The following LCA5L variants were observed in gnomAD, a reference collection of about 807,000 sequenced individuals.
LCA5L encodes lebercilin-like protein.
LCA5L carries 35 observed loss-of-function variants against 45.4 expected under a neutral mutation model. The ratio of observed to expected loss-of-function variants is 0.77; its 90% confidence interval spans 0.59 to 1.02. The LOEUF (loss-of-function observed/expected upper bound fraction) is 1.02. Among genes scored for constraint, LCA5L ranks in the 50% least tolerant of loss-of-function variants. The pLI is 0.00. For synonymous variants in LCA5L, 233 were observed against 264.7 expected, an observed-to-expected ratio of 0.88 and a Z score of 1.16; for missense variants, 668 against 761.6, an observed-to-expected ratio of 0.88 and a Z score of 1.45.
At chr21:39,420,905 A>G in intron 6 of LCA5L, 62 bp from the exon 7 acceptor site, 1 of 1,275,560 alleles carries the variant, frequency 7.8e-7, no homozygotes, top group Non-Finnish European at 1.1e-6. Context: ...AACTTCAATT[A>G]TCATGGAACT....
chr21:39,420,724 G>T lies in LCA5L; in HGVS notation c.957C>A (p.His319Gln), dbSNP rs778846298. ...GAAATACCTTAAGTTTTTGTTGAAG[G>T]TGTTTTACTTCCACCTGCAGAGTCT... ...ATKTLQVEVK[H>Q]LQQKLKEKDR... The change falls in exon 7 of 11, where the codon CAC (histidine) becomes CAA (glutamine). Residue 319 changes from histidine to glutamine, a missense_variant. Physicochemically the swap from His to Gln is conservative, Grantham distance 24. Coordinates refer to ENST00000288350, the MANE Select transcript of LCA5L (RefSeq NM_152505.4). 2.9e-5 allele frequency: 46 copies of T among 1,611,708 alleles called. 1 individual carries two copies. Among genetic ancestry groups the T allele is most frequent in the Non-Finnish European group, 3.6e-5 (42 of 1,178,678 alleles).
chr21:39,427,478 C>T (rs931623099), intron 5 of LCA5L, among the ~76,000 whole-genome samples: 5 of 151,970 alleles, frequency 3.3e-5, no homozygotes, highest in Middle Eastern at 3.4e-3. Context: ...CTGGCTAACA[C>T]GGTGAAACCC....
chr21:39,443,273 G>A (rs536825241), intron 2 of LCA5L, among the ~76,000 whole-genome samples: 12 of 152,332 alleles, frequency 7.9e-5, no homozygotes, highest in East Asian at 3.9e-4. Context: ...GAAGGGGAAC[G>A]TGGGGTCAAA....
At chr21:39,412,666 A>G (rs2040313526) in intron 7 of LCA5L, among the ~76,000 whole-genome samples, 2 of 152,110 alleles carry the variant, frequency 1.3e-5, no homozygotes, top group African/African-American at 2.4e-5. Flanking sequence ...TGTGCCCCTT[A>G]GGGTCAAATC....
intron 4 of LCA5L, 75 bp from the exon 5 acceptor site, chr21:39,428,578 T>TTA (rs1214443889): frequency 0.014 from 840 of 58,062 alleles, 100 homozygotes; most frequent in African/African-American, 0.026. Context: ...ATGCTTTATT[T>TTA]TATATATATA....
chr21:39,419,929 GAC>G (rs1287967320), intron 7 of LCA5L, among the ~76,000 whole-genome samples: 2 of 152,064 alleles, frequency 1.3e-5, no homozygotes, highest in African/African-American at 4.8e-5. Context: ...ATATTTTTAA[GAC>G]AGTTTTTCAA....
rs2039806682 is a variant in LCA5L at position 39,409,955 on chromosome 21, T to C, written c.1282+24A>G. 2 of 1,260,258 alleles carry C rather than the reference T, an allele frequency of 1.6e-6. No individual in the cohort carries two copies. Among genetic ancestry groups the C allele is most frequent in the Non-Finnish European group, 2.3e-6 (2 of 870,372 alleles). 78.1% of individuals were successfully genotyped at this position (1,260,258 alleles called of 1,614,324 possible). A position where few individuals can be genotyped will look rare whatever the true frequency, so the allele number is the denominator to read the frequency against. Reference sequence around the variant, plus strand: ...ACAATTTTAAAGAAATCAGATAAGATAGACTTTAAAGAGTTAAAATTACCT... The same window carrying C: ...ACAATTTTAAAGAAATCAGATAAGACAGACTTTAAAGAGTTAAAATTACCT... On this transcript the variant is annotated intron_variant, in intron 10 of 10. Transcript: ENST00000288350. This position sits in a 1 kb window ranked among gnomAD's most constrained non-coding sequence, Gnocchi z 4.2.
chr21:39,442,719 G>C (rs2076994948), intron 2 of LCA5L, among the ~76,000 whole-genome samples: 1 of 152,076 alleles, frequency 6.6e-6, no homozygotes. Context: ...GGGGTTGTTT[G>C]GTTTTGTGCA....
At chr21:39,410,191 G>T in intron 9 of LCA5L, 73 bp downstream of exon 9, 1 of 1,239,234 alleles carries the variant, frequency 8.1e-7, no homozygotes, top group Non-Finnish European at 1.2e-6. Context: ...TTTTCACATA[G>T]AACAAGTGAC....
At chr21:39,425,657 G>A (rs371734350) in intron 5 of LCA5L, among the ~76,000 whole-genome samples, 83 of 152,268 alleles carry the variant, frequency 5.5e-4, no homozygotes, top group African/African-American at 2.0e-3. Context: ...GACCCAGGCC[G>A]TATGGATCAG....
intron 2 of LCA5L, among the ~76,000 whole-genome samples, chr21:39,436,851 C>T (rs1197597733): frequency 6.6e-6 from 1 of 152,088 alleles, no homozygotes; most frequent in Non-Finnish European, 1.5e-5. Flanking sequence ...GCAAATTTTC[C>T]CTCTTTTCTT....
rs1000377015 is a variant in LCA5L, at chr21:39,409,685, T to G, written c.1282+294A>C. Among the ~76,000 whole-genome samples the G allele has an allele frequency of 1.3e-5, 2 of 152,164 alleles. No individual in the cohort carries two copies. Among genetic ancestry groups the G allele is most frequent in the Non-Finnish European group, 2.9e-5 (2 of 68,022 alleles). ...TTGGCTCACTGCAACCTCTGCCTCC[T>G]GGGTCCAAGCGATTTTCCTGCCTCA... On this transcript the variant is annotated intron_variant, in intron 10 of 10. Transcript: ENST00000288350. The surrounding 1 kb of genome is among the most constrained non-coding windows in gnomAD (Gnocchi z 4.2).
At chr21:39,428,760 G>A (rs2075310021) in intron 4 of LCA5L, among the ~76,000 whole-genome samples, 1 of 150,318 alleles carries the variant, frequency 6.7e-6, no homozygotes, top group African/African-American at 2.4e-5. Flanking sequence ...CTACGAGTGT[G>A]TGCCGTCACA....
chr21:39,431,500 G>GA (rs904350634), intron 3 of LCA5L, among the ~76,000 whole-genome samples: 3 of 151,704 alleles, frequency 2.0e-5, no homozygotes, highest in African/African-American at 7.3e-5. Flanking sequence ...TGGATGAGTA[G>GA]AAAATGACTG....
chr21:39,435,726 C>T (rs1057101761), intron 2 of LCA5L, among the ~76,000 whole-genome samples, 153 bp from the exon 3 acceptor site: 3 of 152,242 alleles, frequency 2.0e-5, no homozygotes, highest in African/African-American at 7.2e-5. Context: ...ACCTCTGCCT[C>T]CCAGGTTCAA....
chr21:39,417,712 A>G (rs2041476647), intron 7 of LCA5L, among the ~76,000 whole-genome samples: 2 of 152,136 alleles, frequency 1.3e-5, no homozygotes, highest in Non-Finnish European at 2.9e-5. Context: ...ATGGCAGTGG[A>G]CAACAGAGGA....
intron 2 of LCA5L, among the ~76,000 whole-genome samples, chr21:39,441,470 C>T (rs547000259): frequency 1.9e-4 from 29 of 152,130 alleles, no homozygotes; most frequent in Non-Finnish European, 4.0e-4. Context: ...TCCAGTCTAG[C>T]ACTAAAATCC....
At chr21:39,423,605 C>T in intron 5 of LCA5L, 115 bp from the exon 6 acceptor site, 1 of 847,234 alleles carries the variant, frequency 1.2e-6, no homozygotes, top group Non-Finnish European at 1.7e-6. Context: ...CACATACACA[C>T]AAGCGTAAGT....
rs1490138319 is a variant in LCA5L, at chr21:39,444,120, C to G, written c.-246+15G>C. 2.0e-5 allele frequency: 3 copies of G among 151,994 alleles called. No individual in the cohort carries two copies. Among genetic ancestry groups the G allele is most frequent in the Non-Finnish European group, 4.4e-5 (3 of 68,022 alleles). 9.4% of individuals were successfully genotyped at this position (151,994 alleles called of 1,614,324 possible). The stretch of plus-strand genomic sequence containing the variant: ...CCTGTCACATTGATCGCGGTATCAG[C>G]ACCCAGGTACTTACTATTCAAAATG... On this transcript the variant is annotated intron_variant, in intron 2 of 10. Coordinates refer to ENST00000288350, the MANE Select transcript of LCA5L (RefSeq NM_152505.4).
Sources: gnomAD v4.1 joint callset for allele counts (sites outside exome capture counted in the v4.1 genomes callset) on GRCh38, gnomAD v4.1.1 for gene constraint, Gnocchi (gnomAD v3.1) non-coding constraint, MANE v1.5 for transcripts, NCBI Gene and HGNC (gene_info 2026-07-23, HGNC 2026-07-21) for gene names.